Variants in ARHGAP6 observed in about 807,000 individuals in gnomAD.
The protein encoded by ARHGAP6 is Rho GTPase activating protein 6, also known as rho GTPase-activating protein 6.
In ARHGAP6, 16 loss-of-function variants were observed where a neutral mutation model predicts 55.7. The observed-to-expected ratio is 0.29, with a 90% CI of 0.19 to 0.44. ARHGAP6 has a LOEUF of 0.44. Among genes scored for constraint, ARHGAP6 ranks in the 20% least tolerant of loss-of-function variants. ARHGAP6 has a pLI of 1.00. For synonymous variants in ARHGAP6, 382 were observed against 360.9 expected (o/e 1.06, Z -0.66); for missense variants, 698 against 808.9 (o/e 0.86, Z 1.66).
chrX:11,406,615 G>A (rs1473669351), intron 1 of ARHGAP6, among the ~76,000 whole-genome samples: 2 of 111,425 alleles, frequency 1.8e-5, no homozygotes, highest in Non-Finnish European at 3.8e-5. Context: ...CTAGTATCCT[G>A]TGGTTGGCCA....
intron 1 of ARHGAP6, among the ~76,000 whole-genome samples, chrX:11,375,087 T>C (rs1027617125): frequency 1.8e-5 from 2 of 112,462 alleles, no homozygotes; most frequent in Non-Finnish European, 3.7e-5. Context: ...GCTTAGTAAA[T>C]ACTTATAGAA....
intron 1 of ARHGAP6, among the ~76,000 whole-genome samples, chrX:11,526,947 T>C (rs1002282262): frequency 1.8e-5 from 2 of 109,391 alleles, no homozygotes; most frequent in Admixed American, 9.9e-5. Context: ...TTAGAAACCA[T>C]TGATATAATG....
intron 1 of ARHGAP6, among the ~76,000 whole-genome samples, chrX:11,527,693 T>G (rs2051005217): frequency 8.9e-6 from 1 of 112,594 alleles, no homozygotes; most frequent in Admixed American, 9.4e-5. Flanking sequence ...CATCTTTTTA[T>G]CAATGACACT....
chrX:11,182,075 C>A lies in ARHGAP6; in HGVS notation c.1317G>T (p.Lys439Asn). The A allele has an allele frequency of 8.3e-7, 1 of 1,204,075 alleles. No homozygotes were observed. The highest frequency in any genetic ancestry group is 1.8e-5 in the South Asian group (1 of 56,432). The change falls in exon 6 of 13, where the codon AAG becomes AAT. Residue 439 changes from lysine (K) to asparagine (N), a missense_variant. This residue lies in a region of ARHGAP6 where 322 missense variants were observed against 451.1 expected (regional missense o/e 0.71). Transcript: ENST00000337414. The stretch of plus-strand genomic sequence containing the variant: ...ACTTTTCACTTACTTGTCTCACTCT[C>A]TTTTTTGAGCTTCCAACTCGGAATA... ...VGIFRVGSSK[K>N]RVRQLREEFD... is the part of the protein sequence containing the mutation.
intron 1 of ARHGAP6, among the ~76,000 whole-genome samples, chrX:11,309,047 C>T (rs754488538): frequency 5.4e-5 from 6 of 111,687 alleles, no homozygotes; most frequent in South Asian, 3.8e-4. Flanking sequence ...GAGACTCAAG[C>T]GCCAGGACAC....
chrX:11,427,688 C>A (rs983852424), intron 1 of ARHGAP6: 4 of 828,886 alleles, frequency 4.8e-6, no homozygotes. Context: ...CCTGGGGCAG[C>A]CCCTGGGCGC....
At chrX:11,421,296 T>G (rs572201588) in intron 1 of ARHGAP6, among the ~76,000 whole-genome samples, 128 of 112,784 alleles carry the variant, frequency 1.1e-3, no homozygotes, top group African/African-American at 4.0e-3. Context: ...GGTTTCTCTG[T>G]CTCAGCACTA....
intron 1 of ARHGAP6, among the ~76,000 whole-genome samples, chrX:11,420,815 T>G (rs924249068): frequency 8.9e-6 from 1 of 111,792 alleles, no homozygotes; most frequent in Non-Finnish European, 1.9e-5. Context: ...TGCTGAGCAC[T>G]CCACACATCC....
intron 10 of ARHGAP6, among the ~76,000 whole-genome samples, chrX:11,153,810 TTTTTA>T (rs1344708497): frequency 9.0e-6 from 1 of 111,085 alleles, no homozygotes; most frequent in Non-Finnish European, 1.9e-5. Flanking sequence ...CTCATTCTTC[TTTTTA>T]TTTTATTATT....
rs181125149 is a variant in ARHGAP6, at chrX:11,492,838, C to T, written c.588+171403G>A. Among the ~76,000 whole-genome samples the T allele has an allele frequency of 3.5e-3, 388 of 112,370 alleles. 2 individuals are homozygous for T. Among genetic ancestry groups the T allele is most frequent in the African/African-American group, 0.012 (366 of 31,004 alleles). On this transcript the variant is annotated intron_variant, in intron 1 of 12. Coordinates refer to ENST00000337414, the MANE Select transcript of ARHGAP6 (RefSeq NM_013427.3). The stretch of plus-strand genomic sequence containing the variant: ...GGCCTCCCAGCTACACTTCAATTCT[C>T]GGCCCCATTAACAGTTAGGGATAGC...
At chrX:11,631,187 T>G (rs2052356781) in intron 1 of ARHGAP6, among the ~76,000 whole-genome samples, 1 of 111,311 alleles carries the variant, frequency 9.0e-6, no homozygotes, top group African/African-American at 3.3e-5. Flanking sequence ...TAGCCATATG[T>G]CTTTAAGTAA....
In ARHGAP6 at chrX:11,327,800, A is replaced by G. The variant is rs779398547; in HGVS notation, c.589-73093T>C. On this transcript the variant is annotated intron_variant, in intron 1 of 12. Coordinates refer to ENST00000337414, the MANE Select transcript of ARHGAP6 (RefSeq NM_013427.3). Reference sequence around the variant, plus strand: ...GCTTTTGAGTATAATCGTGTGCTACAGAGGAATGTAGATTAGATTTATCAA... The same window carrying G: ...GCTTTTGAGTATAATCGTGTGCTACGGAGGAATGTAGATTAGATTTATCAA... Among the ~76,000 whole-genome samples the G allele has an allele frequency of 1.2e-4, 14 of 112,046 alleles. No individual in the cohort carries two copies. In the South Asian group the frequency reaches 4.9e-3, roughly 39 times the overall value.
chrX:11,211,646 CTATT>C, intron 2 of ARHGAP6, among the ~76,000 whole-genome samples: 1 of 111,020 alleles, frequency 9.0e-6, no homozygotes, highest in Non-Finnish European at 1.9e-5. Context: ...TGGGTTCAAG[CTATT>C]CTTCTGCCTC....
intron 1 of ARHGAP6, among the ~76,000 whole-genome samples, chrX:11,578,730 C>G (rs752951409): frequency 9.0e-6 from 1 of 111,330 alleles, no homozygotes; most frequent in Non-Finnish European, 1.9e-5. Flanking sequence ...CATTTGCACA[C>G]GTATGTTTAT....
At chrX:11,568,219 G>A (rs745792720) in intron 1 of ARHGAP6, among the ~76,000 whole-genome samples, 16 of 112,232 alleles carry the variant, frequency 1.4e-4, no homozygotes, top group African/African-American at 3.2e-4. Context: ...ATAGTGTGGC[G>A]TCAGCATACC....
chrX:11,261,790 C>T (rs901672157), intron 1 of ARHGAP6, among the ~76,000 whole-genome samples: 2 of 111,409 alleles, frequency 1.8e-5, no homozygotes, highest in Non-Finnish European at 3.8e-5. Context: ...TTAGCAATGT[C>T]TGAAGACATT....
chrX:11,169,290 T>C (rs956732561), intron 9 of ARHGAP6: 3 of 303,138 alleles, frequency 9.9e-6, no homozygotes, highest in African/African-American at 5.5e-5. Flanking sequence ...AAAATGAAAA[T>C]TATAATTTGG....
intron 12 of ARHGAP6, among the ~76,000 whole-genome samples, chrX:11,140,067 A>G (rs375441266): frequency 9.9e-5 from 11 of 110,934 alleles, no homozygotes; most frequent in East Asian, 2.8e-4. Context: ...TGATCACCCA[A>G]TCGTTCCCCT....
intron 1 of ARHGAP6, among the ~76,000 whole-genome samples, chrX:11,534,526 C>T (rs1349822465): frequency 9.1e-6 from 1 of 109,821 alleles, no homozygotes; most frequent in Non-Finnish European, 1.9e-5. Context: ...CATCCCTCCC[C>T]TCCAGCAGTG....
Sources: allele counts gnomAD v4.1 joint callset (sites outside exome capture counted in the v4.1 genomes callset), GRCh38; gene constraint gnomAD v4.1.1; regional missense constraint gnomAD v4.1.1; transcripts MANE v1.5; gene names NCBI Gene and HGNC (gene_info 2026-07-23, HGNC 2026-07-21).